The following EMC2 variants were observed in gnomAD, a reference collection of about 807,000 sequenced individuals.
The protein encoded by EMC2 is ER membrane protein complex subunit 2, also known as TPR repeat protein 35.
A neutral mutation model predicts 51.6 loss-of-function variants in EMC2; 37 were observed. The observed-to-expected ratio is 0.72, with a 90% confidence interval of 0.55 to 0.94. EMC2 has a LOEUF of 0.94. EMC2 is among the 40% of genes least tolerant of loss of function. The pLI is 0.00. For synonymous variants in EMC2, 131 were observed against 112.4 expected (o/e 1.17, Z -1.04); for missense variants, 359 against 350.9 (o/e 1.02, Z -0.18).
chr8:108,463,964 A>G (rs1244529974), intron 5 of EMC2: 3 of 152,468 alleles, frequency 2.0e-5, no homozygotes, highest in Admixed American at 6.5e-5. Context: ...CACCTGGAAC[A>G]CCAGTGTCAC....
chr8:108,485,389 C>G (rs2130423145), intron 10 of EMC2, among the ~76,000 whole-genome samples: 1 of 145,922 alleles, frequency 6.9e-6, no homozygotes, highest in East Asian at 2.0e-4. Flanking sequence ...CATATTTAAC[C>G]AGGGAGAAAA....
intron 10 of EMC2, among the ~76,000 whole-genome samples, chr8:108,484,844 T>G (rs958447340): frequency 6.6e-6 from 1 of 152,032 alleles, no homozygotes; most frequent in Admixed American, 6.6e-5. Flanking sequence ...CCTCACAGCC[T>G]TTAGTCCTCA....
intron 7 of EMC2, chr8:108,475,659 G>C (rs922823503): frequency 6.8e-6 from 3 of 440,958 alleles, no homozygotes; most frequent in African/African-American, 6.3e-5. Flanking sequence ...TTTGCAGGCT[G>C]CTTTAAGATT....
At position 108,486,719 on chromosome 8, in the gene EMC2, C is replaced by T; in HGVS notation, c.*121C>T. The T allele has an allele frequency of 9.7e-7, 1 of 1,030,730 alleles. No homozygotes were observed. Among genetic ancestry groups the T allele is most frequent in the Non-Finnish European group, 1.3e-6 (1 of 752,722 alleles). 63.8% of individuals were successfully genotyped at this position (1,030,730 alleles called of 1,614,324 possible). ...CTACAGTAATTTTCTGTTAAGAAGG[C>T]AGTTGTAAAGAATGTGTTTATATAA... On this transcript the variant is annotated 3_prime_UTR_variant, in exon 11 of 11. Coordinates refer to ENST00000220853, the MANE Select transcript of EMC2 (RefSeq NM_014673.5).
chr8:108,446,194 G>A, intron 1 of EMC2: 2 of 327,256 alleles, frequency 6.1e-6, no homozygotes, highest in Non-Finnish European at 6.3e-6. Flanking sequence ...TAGGCATTTA[G>A]GAAATATTAG....
chr8:108,450,527 T>G, intron 3 of EMC2, 35 bp downstream of exon 3: 1 of 1,250,232 alleles, frequency 8.0e-7, no homozygotes, highest in Non-Finnish European at 1.2e-6. Flanking sequence ...TTTAATTTGC[T>G]TCATCAATTG....
intron 10 of EMC2, among the ~76,000 whole-genome samples, chr8:108,482,023 C>T (rs1811052421): frequency 1.3e-5 from 2 of 152,082 alleles, no homozygotes; most frequent in South Asian, 4.1e-4. Context: ...ATGTGCAGTT[C>T]TGTATACCTT....
intron 9 of EMC2, 41 bp downstream of exon 9, chr8:108,476,933 G>T: frequency 3.0e-6 from 3 of 984,798 alleles, no homozygotes; most frequent in Non-Finnish European, 4.9e-6. Context: ...TTAAAAATCT[G>T]TCACTTAAAA....
intron 10 of EMC2, among the ~76,000 whole-genome samples, chr8:108,485,349 C>G (rs977440207): frequency 1.3e-5 from 2 of 149,476 alleles, no homozygotes; most frequent in Non-Finnish European, 3.0e-5. Context: ...CTTGAAAACA[C>G]TAGATGTTGC....
chr8:108,457,570 A>C (rs1819200815), intron 5 of EMC2, among the ~76,000 whole-genome samples: 1 of 152,164 alleles, frequency 6.6e-6, no homozygotes, highest in African/African-American at 2.4e-5. Flanking sequence ...GACAGCAGGC[A>C]AAGAGAGCTT....
At chr8:108,465,280 ACT>A (rs1341603980) in intron 5 of EMC2, among the ~76,000 whole-genome samples, 1 of 151,570 alleles carries the variant, frequency 6.6e-6, no homozygotes, top group Non-Finnish European at 1.5e-5. Context: ...CAGGAGCATG[ACT>A]CTTCCAATTC....
rs371481570 is a variant in EMC2 at position 108,443,715 on chromosome 8, G to T, written c.40+17G>T. On this transcript the variant is annotated intron_variant, in intron 1 of 10. Transcript: ENST00000220853. ...CTTGGGAAGGTAACTTCGGGTGGGG[G>T]CGGGTGCGGAAAGACTAAAAGCGCT... The T allele has an allele frequency of 5.1e-4, 810 of 1,603,176 alleles. 3 individuals are homozygous for T. The African/African-American group carries it at 9.8e-3, about 19-fold the overall frequency.
At chr8:108,468,589 C>G (rs1173848899) in intron 5 of EMC2, among the ~76,000 whole-genome samples, 2 of 152,016 alleles carry the variant, frequency 1.3e-5, no homozygotes, top group Non-Finnish European at 2.9e-5. Context: ...TAAACTTTCA[C>G]TTTCATTTCT....
chr8:108,454,552 A>G (rs1185757317), intron 4 of EMC2, among the ~76,000 whole-genome samples: 1 of 152,090 alleles, frequency 6.6e-6, no homozygotes, highest in African/African-American at 2.4e-5. Flanking sequence ...TTACTTATTC[A>G]TAAATCATAA....
chr8:108,454,002 G>T (rs950248583), intron 4 of EMC2, among the ~76,000 whole-genome samples: 1 of 151,958 alleles, frequency 6.6e-6, no homozygotes, highest in East Asian at 1.9e-4. Flanking sequence ...CTTGCTCTGA[G>T]GTCTGCTTTG....
At chr8:108,468,235 A>C (rs1485930080) in intron 5 of EMC2, among the ~76,000 whole-genome samples, 2 of 152,188 alleles carry the variant, frequency 1.3e-5, no homozygotes, top group Non-Finnish European at 2.9e-5. Context: ...TTAAGTCTAA[A>C]ATTCTTAATG....
intron 1 of EMC2, among the ~76,000 whole-genome samples, chr8:108,444,241 G>T (rs1424047052): frequency 6.6e-6 from 1 of 152,096 alleles, no homozygotes; most frequent in African/African-American, 2.4e-5. Flanking sequence ...TCTAGTCTCT[G>T]TCCCACTCCT....
At chr8:108,456,752 T>C (rs891059120) in intron 5 of EMC2, among the ~76,000 whole-genome samples, 4 of 152,206 alleles carry the variant, frequency 2.6e-5, no homozygotes, top group African/African-American at 9.6e-5. Flanking sequence ...ATTGCCATAA[T>C]AGATTCCCTC....
intron 1 of EMC2, among the ~76,000 whole-genome samples, chr8:108,448,664 T>A (rs2130330587): frequency 6.6e-6 from 1 of 152,280 alleles, no homozygotes; most frequent in East Asian, 1.9e-4. Flanking sequence ...GTTAAACCTC[T>A]TTCTTTTGTA....
Sources: gnomAD v4.1 joint callset for allele counts (sites outside exome capture counted in the v4.1 genomes callset) on GRCh38, gnomAD v4.1.1 for gene constraint, MANE v1.5 for transcripts, NCBI Gene and HGNC (gene_info 2026-07-23, HGNC 2026-07-21) for gene names.